SSBP3: variants seen among roughly 807,000 people sequenced by gnomAD.
SSBP3 encodes the protein single-stranded DNA-binding protein 3.
Under a neutral mutation model 69.6 loss-of-function variants are expected in SSBP3, and 5 were observed. The ratio of observed to expected loss-of-function variants is 0.07; its 90% CI spans 0.04 to 0.15. SSBP3 has a LOEUF of 0.15. Ranked by LOEUF, SSBP3 falls within the 10% of genes least tolerant of loss-of-function variation. SSBP3 has a pLI of 1.00. For missense variants in SSBP3, 312 were observed against 534.0 expected (o/e 0.58, Z 4.10); for synonymous variants, 196 against 193.4 (o/e 1.01, Z -0.11).
In SSBP3 at chr1:54,227,185, G is replaced by GC. The variant is rs1553120694; in HGVS notation, c.1138-26_1138-25insG. On this transcript the variant is annotated intron_variant, in intron 17 of 17. Transcript: ENST00000610401. Reference sequence around the variant, plus strand: ...ACTGGAAAGGAGAAGCAGAGAAGGGGGGGGGGTGAGGATTGTGGGGAGGCC... The same window carrying GC: ...ACTGGAAAGGAGAAGCAGAGAAGGGGCGGGGGGTGAGGATTGTGGGGAGGCC... The GC allele has an allele frequency of 1.1e-5, 13 of 1,193,962 alleles. 1 individual carries two copies. In the African/African-American group the frequency reaches 1.8e-4, roughly 16 times the overall value. 74.0% of individuals were successfully genotyped at this position (1,193,962 alleles called of 1,614,324 possible). A position where few individuals can be genotyped will look rare whatever the true frequency, so the allele number is the denominator to read the frequency against.
intron 4 of SSBP3, among the ~76,000 whole-genome samples, chr1:54,347,003 C>A (rs1646701351): frequency 6.6e-6 from 1 of 152,046 alleles, no homozygotes; most frequent in Non-Finnish European, 1.5e-5. Flanking sequence ...AGACACTGCA[C>A]CAGGCTGGAG....
chr1:54,278,981 C>A (rs1320921128), intron 5 of SSBP3, among the ~76,000 whole-genome samples: 3 of 152,234 alleles, frequency 2.0e-5, no homozygotes, highest in African/African-American at 7.2e-5. Context: ...CAGAGAGATA[C>A]CCTTTCCCCT....
At chr1:54,401,036 T>C (rs562189785) in intron 4 of SSBP3, among the ~76,000 whole-genome samples, 2 of 152,340 alleles carry the variant, frequency 1.3e-5, no homozygotes, top group South Asian at 2.1e-4. Context: ...ACAGAGGCTA[T>C]GGAAGACCTT....
chr1:54,380,846 C>A (rs544676098), intron 4 of SSBP3, among the ~76,000 whole-genome samples: 23 of 152,078 alleles, frequency 1.5e-4, no homozygotes, highest in African/African-American at 5.5e-4. Context: ...TTAGGCAGGG[C>A]ATGATGGCTC....
In SSBP3 at chr1:54,258,034, G is replaced by A. The variant is rs1217002930; in HGVS notation, c.447+35C>T. The A allele has an allele frequency of 3.2e-6, 5 of 1,557,344 alleles. No individual in the cohort carries two copies. Among genetic ancestry groups the A allele is most frequent in the Middle Eastern group, 2.2e-4 (1 of 4,628 alleles). ...GCTCTCTGCTTCCTCCGCGCCCCGC[G>A]TCCCCGGCGGGCGGGAGCGCCACGG... On this transcript the variant is annotated intron_variant, in intron 6 of 17. Coordinates refer to ENST00000610401, the Ensembl canonical transcript of SSBP3. This position sits in a 1 kb window ranked among gnomAD's most constrained non-coding sequence, Gnocchi z 4.5.
chr1:54,231,301 C>G (rs1644375500), intron 14 of SSBP3, among the ~76,000 whole-genome samples: 1 of 152,214 alleles, frequency 6.6e-6, no homozygotes, highest in African/African-American at 2.4e-5. Context: ...CGATGCTGAG[C>G]ATCTTCTCAT....
chr1:54,305,112 C>G (rs1305636685), intron 4 of SSBP3, among the ~76,000 whole-genome samples: 1 of 152,162 alleles, frequency 6.6e-6, no homozygotes, highest in Non-Finnish European at 1.5e-5. Flanking sequence ...GAGGCCAGGC[C>G]AGGGGTAACT....
intron 10 of SSBP3, among the ~76,000 whole-genome samples, chr1:54,242,657 T>C (rs1644660010): frequency 6.6e-6 from 1 of 152,062 alleles, no homozygotes; most frequent in African/African-American, 2.4e-5. Context: ...GTTATAATAA[T>C]AACCGCGTCA....
intron 5 of SSBP3, among the ~76,000 whole-genome samples, chr1:54,277,041 T>A (rs964055043): frequency 6.6e-6 from 1 of 152,148 alleles, no homozygotes; most frequent in Non-Finnish European, 1.5e-5. Context: ...TTGATTCAGT[T>A]CGAGCCTGGA....
At chr1:54,403,768 GA>G (rs1649476346) in intron 3 of SSBP3, among the ~76,000 whole-genome samples, 1 of 152,122 alleles carries the variant, frequency 6.6e-6, no homozygotes, top group Admixed American at 6.5e-5. Flanking sequence ...GGATGTCAAA[GA>G]CTCCACCAGT....
chr1:54,408,159 G>A (rs1428377799), upstream of SSBP3, among the ~76,000 whole-genome samples: 1 of 152,092 alleles, frequency 6.6e-6, no homozygotes. Context: ...AGGGGAAAGG[G>A]GCAGAAAAAA....
At chr1:54,324,722 A>C (rs1221127629) in intron 4 of SSBP3, among the ~76,000 whole-genome samples, 4 of 152,164 alleles carry the variant, frequency 2.6e-5, no homozygotes, top group Non-Finnish European at 4.4e-5. Context: ...TGGGGTGGTG[A>C]TATATCCTGC....
chr1:54,325,057 T>C (rs577881617), intron 4 of SSBP3, among the ~76,000 whole-genome samples: 3 of 152,254 alleles, frequency 2.0e-5, no homozygotes, highest in Admixed American at 1.3e-4. Flanking sequence ...GGCGGGAGAA[T>C]GGGGTCTAAG....
intron 4 of SSBP3, among the ~76,000 whole-genome samples, chr1:54,347,739 T>C (rs1280105394): frequency 3.3e-5 from 5 of 152,082 alleles, no homozygotes; most frequent in Non-Finnish European, 4.4e-5. Context: ...GAGGCAGAGA[T>C]TGGAGTCCTA....
intron 4 of SSBP3, among the ~76,000 whole-genome samples, chr1:54,343,997 G>A (rs762849039): frequency 5.9e-5 from 9 of 151,842 alleles, no homozygotes; most frequent in Admixed American, 2.0e-4. Flanking sequence ...AAGAAGACCC[G>A]AAGGAGAAAA....
At chr1:54,350,567 C>T (rs919795791) in intron 4 of SSBP3, among the ~76,000 whole-genome samples, 1 of 152,208 alleles carries the variant, frequency 6.6e-6, no homozygotes, top group African/African-American at 2.4e-5. Flanking sequence ...GACATGTGCA[C>T]AACCCGGGTT....
intron 4 of SSBP3, among the ~76,000 whole-genome samples, chr1:54,387,210 C>T (rs1416974706): frequency 6.6e-6 from 1 of 152,174 alleles, no homozygotes; most frequent in Admixed American, 6.5e-5. Flanking sequence ...TTTACTATTG[C>T]TTATAGTTTC....
intron 14 of SSBP3, among the ~76,000 whole-genome samples, chr1:54,235,285 T>G (rs1443562093): frequency 5.3e-4 from 38 of 71,096 alleles, no homozygotes; most frequent in Middle Eastern, 0.012. Context: ...TTTTTTTTTT[T>G]TTTTTTTTTT....
At chr1:54,343,301 C>A (rs1039700908) in intron 4 of SSBP3, among the ~76,000 whole-genome samples, 2 of 152,216 alleles carry the variant, frequency 1.3e-5, no homozygotes, top group Admixed American at 1.3e-4. Context: ...ACTGTACGGC[C>A]CTGGACAAGT....
Sources: allele counts gnomAD v4.1 joint callset (sites outside exome capture counted in the v4.1 genomes callset), GRCh38; gene constraint gnomAD v4.1.1; non-coding constraint Gnocchi (gnomAD v3.1); transcripts MANE v1.5; gene names NCBI Gene and HGNC (gene_info 2026-07-23, HGNC 2026-07-21).